The following PTPRT variants were observed in gnomAD, a reference collection of about 807,000 sequenced individuals.
PTPRT encodes receptor-type tyrosine-protein phosphatase T.
A neutral mutation model predicts 176.8 loss-of-function variants in PTPRT; 56 were observed. The ratio of observed to expected loss-of-function variants is 0.32; its 90% confidence interval spans 0.26 to 0.40. The LOEUF (loss-of-function observed/expected upper bound fraction) is 0.40, where lower values mean the gene tolerates loss of function less well. PTPRT is among the 10% of genes least tolerant of loss of function. PTPRT has a pLI of 1.00. For synonymous variants in PTPRT, 783 were observed against 739.0 expected (o/e 1.06, Z -0.96); for missense variants, 1,540 against 1,908.2 (o/e 0.81, Z 3.60).
rs539727536 is a variant in PTPRT at position 42,505,347 on chromosome 20, G to C, written c.1154-32785C>G. ...GATGGAGTCCCGCTCTGTCTCCCAG[G>C]CTGGAGTGCAGCGGCGTGATGTCAG... On this transcript the variant is annotated intron_variant, in intron 7 of 30. Transcript: ENST00000373187. 8.5e-5 allele frequency among the ~76,000 whole-genome samples: 13 copies of C among 152,218 alleles called. No individual in the cohort carries two copies. In the South Asian group the frequency reaches 2.7e-3, roughly 32 times the overall value.
chr20:42,792,116 G>T (rs1358702894), intron 2 of PTPRT, among the ~76,000 whole-genome samples: 1 of 152,110 alleles, frequency 6.6e-6, no homozygotes, highest in Non-Finnish European at 1.5e-5. Flanking sequence ...TTTCAGCTTG[G>T]GATCAAGAAT....
intron 2 of PTPRT, among the ~76,000 whole-genome samples, chr20:42,813,837 C>T (rs1351309205): frequency 5.3e-5 from 8 of 152,120 alleles, no homozygotes; most frequent in African/African-American, 1.7e-4. Flanking sequence ...CATCTACTTG[C>T]AGGTATTTAC....
chr20:42,250,866 G>A (rs941762493), intron 13 of PTPRT, among the ~76,000 whole-genome samples: 18 of 152,202 alleles, frequency 1.2e-4, no homozygotes, highest in African/African-American at 4.1e-4. Flanking sequence ...CCTTTCACAA[G>A]CTAATGGCAA....
At chr20:42,226,028 G>A (rs963131741) in intron 15 of PTPRT, among the ~76,000 whole-genome samples, 5 of 152,308 alleles carry the variant, frequency 3.3e-5, no homozygotes, top group South Asian at 2.1e-4. Flanking sequence ...TTAACCCATG[G>A]TATCTTTCCT....
intron 7 of PTPRT, among the ~76,000 whole-genome samples, chr20:42,580,512 G>A (rs1406774576): frequency 6.3e-4 from 96 of 152,174 alleles, no homozygotes; most frequent in Middle Eastern, 3.4e-3. Flanking sequence ...CCATTTTCAC[G>A]ATATTGATTC....
rs186891182 is a variant in PTPRT at position 42,737,172 on chromosome 20, G to A, written c.859+19290C>T. On this transcript the variant is annotated intron_variant, in intron 6 of 30. Transcript: ENST00000373187. ...AAGCCAAGATGAAGTCCTACTGGAA[G>A]AAGGTGGGCCCCAAATCAATGACTG... 2.1e-4 allele frequency among the ~76,000 whole-genome samples: 32 copies of A among 152,304 alleles called. No individual in the cohort carries two copies. In the East Asian group the frequency reaches 6.0e-3, roughly 28 times the overall value.
chr20:42,814,691 A>C (rs938187280), intron 2 of PTPRT, among the ~76,000 whole-genome samples: 1 of 152,232 alleles, frequency 6.6e-6, no homozygotes, highest in Non-Finnish European at 1.5e-5. Flanking sequence ...TGGGTGACAC[A>C]AGAATTCTGT....
chr20:42,651,349 A>C (rs1303569160), intron 7 of PTPRT, among the ~76,000 whole-genome samples: 1 of 152,206 alleles, frequency 6.6e-6, no homozygotes, highest in Non-Finnish European at 1.5e-5. Context: ...AAATGTCAGA[A>C]TCAATGGACA....
At chr20:42,611,457 G>C (rs1323824648) in intron 7 of PTPRT, among the ~76,000 whole-genome samples, 2 of 152,164 alleles carry the variant, frequency 1.3e-5, no homozygotes, top group South Asian at 4.1e-4. Context: ...GATCACAATA[G>C]TGAGGCTCCA....
At chr20:42,053,074 A>G in the PTPRT span, among the ~76,000 whole-genome samples, 1 of 152,214 alleles carries the variant, frequency 6.6e-6, no homozygotes, top group Non-Finnish European at 1.5e-5. Context: ...AATAAGTGGC[A>G]CGCTGGGTGT....
chr20:43,018,193 C>T (rs1043546193), intron 1 of PTPRT, among the ~76,000 whole-genome samples: 20 of 152,234 alleles, frequency 1.3e-4, no homozygotes, highest in African/African-American at 4.6e-4. Flanking sequence ...TTTCCTTTAC[C>T]ATGTTATCTA....
At chr20:42,517,306 A>T (rs2072086930) in intron 7 of PTPRT, among the ~76,000 whole-genome samples, 1 of 152,012 alleles carries the variant, frequency 6.6e-6, no homozygotes, top group Non-Finnish European at 1.5e-5. Context: ...GGTAATTAGC[A>T]TAGAGATTAT....
At chr20:42,803,585 G>T (rs551317811) in intron 2 of PTPRT, among the ~76,000 whole-genome samples, 21 of 152,116 alleles carry the variant, frequency 1.4e-4, no homozygotes, top group Non-Finnish European at 1.5e-4. Flanking sequence ...AAGGAGTCTC[G>T]CTCTGTTGCC....
intron 12 of PTPRT, among the ~76,000 whole-genome samples, chr20:42,290,329 G>A (rs1175751239): frequency 6.6e-6 from 1 of 152,030 alleles, no homozygotes; most frequent in Non-Finnish European, 1.5e-5. Flanking sequence ...TCTGCATGCA[G>A]GTATAAATCA....
At chr20:43,000,095 G>GAGGA (rs1984475535) in intron 1 of PTPRT, among the ~76,000 whole-genome samples, 1 of 116,294 alleles carries the variant, frequency 8.6e-6, no homozygotes, top group Non-Finnish European at 1.8e-5. Flanking sequence ...GGGAGGGAGG[G>GAGGA]AGGGAATAAA....
In PTPRT at chr20:42,199,300, G is replaced by C. The variant is rs1443566457; in HGVS notation, c.2431C>G (p.Leu811Val). Residue 811 changes from leucine (L) to valine (V), a missense_variant, in exon 16 of 31, where the codon CTC becomes GTC. Coordinates refer to ENST00000373187, the MANE Select transcript of PTPRT (RefSeq NM_007050.6). ...CCTTCATCATTGCGGCTGGCGCTGA[G>C]CTTGGTGGTGGGTTTGTCGGCAGAG... The part of the protein sequence containing the change: ...VASADKPTTK[L>V]SASRNDEGFS... 6.2e-7 allele frequency: 1 copy of C among 1,614,058 alleles called. No individual in the cohort carries two copies. Among genetic ancestry groups the C allele is most frequent in the Non-Finnish European group, 8.5e-7 (1 of 1,180,034 alleles).
intron 1 of PTPRT, among the ~76,000 whole-genome samples, chr20:42,901,848 C>T (rs755007524): frequency 6.6e-6 from 1 of 152,216 alleles, no homozygotes; most frequent in Non-Finnish European, 1.5e-5. Flanking sequence ...AACTAGAAAC[C>T]TAGCCTGCCT....
At chr20:42,465,717 C>T (rs73125456) in intron 8 of PTPRT, among the ~76,000 whole-genome samples, 10,925 of 152,092 alleles carry the variant, frequency 0.072, 510 homozygotes, top group Middle Eastern at 0.11. Context: ...ACAGGAATGG[C>T]GGTAATATTT....
At chr20:42,507,624 G>A (rs1015351727) in intron 7 of PTPRT, among the ~76,000 whole-genome samples, 4 of 152,120 alleles carry the variant, frequency 2.6e-5, no homozygotes, top group African/African-American at 9.7e-5. Context: ...ACAGCACAAT[G>A]CTTGGCCAGC....
Sources: gnomAD v4.1 joint callset for allele counts (sites outside exome capture counted in the v4.1 genomes callset) on GRCh38, gnomAD v4.1.1 for gene constraint, MANE v1.5 for transcripts, NCBI Gene and HGNC (gene_info 2026-07-23, HGNC 2026-07-21) for gene names.